CENPP: variants seen among roughly 807,000 people sequenced by gnomAD.
The protein encoded by CENPP is centromere protein P.
Under a neutral mutation model 35.6 loss-of-function variants are expected in CENPP, and 24 were observed. The ratio of observed to expected loss-of-function variants is 0.67; its 90% CI spans 0.49 to 0.95. CENPP has a LOEUF of 0.95. Among genes scored for constraint, CENPP ranks in the 40% least tolerant of loss-of-function variants. CENPP has a pLI of 0.00. For missense variants in CENPP, 332 were observed against 345.3 expected (o/e 0.96, Z 0.31); for synonymous variants, 120 against 125.5 (o/e 0.96, Z 0.29).
chr9:92,418,854 G>A (rs1843699150), intron 5 of CENPP, among the ~76,000 whole-genome samples: 2 of 151,982 alleles, frequency 1.3e-5, no homozygotes, highest in South Asian at 2.1e-4. Context: ...TTTAGTCTCC[G>A]ACTCTGCTTG....
At chr9:92,512,207 T>C (rs1322311710) in intron 5 of CENPP, 1 of 833,688 alleles carries the variant, frequency 1.2e-6, no homozygotes, top group Non-Finnish European at 1.9e-6. Flanking sequence ...TGTGCATAGA[T>C]ATCAAGAGAG....
chr9:92,403,326 G>A (rs943485645), intron 5 of CENPP: 24 of 1,613,158 alleles, frequency 1.5e-5, no homozygotes, highest in Non-Finnish European at 2.0e-5. Context: ...TAGATAATGC[G>A]TGAGTCCTGC....
chr9:92,520,153 G>T (rs1280921402), intron 5 of CENPP, among the ~76,000 whole-genome samples: 1 of 151,210 alleles, frequency 6.6e-6, no homozygotes, highest in Admixed American at 6.6e-5. Context: ...GTGTGGTGGT[G>T]CATTCTTGTA....
chr9:92,509,830 A>C (rs955098346), intron 5 of CENPP: 2 of 1,464,496 alleles, frequency 1.4e-6, no homozygotes, highest in Non-Finnish European at 1.8e-6. Flanking sequence ...TACAGTAAAT[A>C]AAATTTCTAC....
intron 5 of CENPP, chr9:92,509,764 T>C (rs1441927042): frequency 1.1e-6 from 1 of 931,580 alleles, no homozygotes; most frequent in East Asian, 3.1e-5. Flanking sequence ...AAAGAAGTTT[T>C]ATCAACTCAA....
intron 5 of CENPP, chr9:92,389,833 G>T (rs1217159660): frequency 6.6e-7 from 1 of 1,523,164 alleles, no homozygotes; most frequent in African/African-American, 1.4e-5. Context: ...ACTATGCTTA[G>T]TTTTACTATA....
In CENPP at chr9:92,510,019, T is replaced by A. The variant is rs139215803; in HGVS notation, c.565-101295T>A. ...TTATTTCCATCCATATTCAAACGCA[T>A]TAACTTCTTCAGAAGCTTAAAAAGC... On this transcript the variant is annotated intron_variant, in intron 5 of 7. Transcript: ENST00000375587. 1,476 of 1,599,908 alleles carry A rather than the reference T, an allele frequency of 9.2e-4. 1 individual carries two copies. Among genetic ancestry groups the A allele is most frequent in the Non-Finnish European group, 1.2e-3 (1,358 of 1,176,050 alleles).
intron 5 of CENPP, among the ~76,000 whole-genome samples, chr9:92,468,239 A>G (rs1189295301): frequency 6.6e-6 from 1 of 152,230 alleles, no homozygotes; most frequent in Non-Finnish European, 1.5e-5. Context: ...GAAAAGTAAT[A>G]CAAAACTGTG....
chr9:92,327,612 A>G (rs1193772549), intron 1 of CENPP, among the ~76,000 whole-genome samples: 1 of 152,250 alleles, frequency 6.6e-6, no homozygotes, highest in Admixed American at 6.5e-5. Flanking sequence ...GGAGGGAAGC[A>G]AAGGTACTTA....
At chr9:92,447,321 T>C (rs1338942504) in intron 5 of CENPP, among the ~76,000 whole-genome samples, 1 of 151,730 alleles carries the variant, frequency 6.6e-6, no homozygotes, top group Admixed American at 6.6e-5. Flanking sequence ...TGCAACTAGA[T>C]GGTCCCACCT....
rs113410369 is a variant in CENPP, at chr9:92,348,556, C to T, written c.467+2769C>T. ...TACAGGTGTGTACCACCACACCCGG[C>T]TAATTTTGTATTTTTAGTAGAGACG... On this transcript the variant is annotated intron_variant, in intron 4 of 7. Coordinates refer to ENST00000375587, the MANE Select transcript of CENPP (RefSeq NM_001012267.3). Among the ~76,000 whole-genome samples, 733 of 152,136 alleles carry T rather than the reference C, an allele frequency of 4.8e-3. 5 individuals are homozygous for T. Among genetic ancestry groups the T allele is most frequent in the African/African-American group, 0.016 (644 of 41,514 alleles).
chr9:92,367,959 T>C (rs544839656), intron 4 of CENPP, among the ~76,000 whole-genome samples: 8 of 152,352 alleles, frequency 5.3e-5, no homozygotes, highest in African/African-American at 1.7e-4. Context: ...AGGTGGAGAC[T>C]GAAAGCCTAC....
At chr9:92,370,329 T>C (rs901437016) in intron 4 of CENPP, among the ~76,000 whole-genome samples, 2 of 152,332 alleles carry the variant, frequency 1.3e-5, no homozygotes, top group Admixed American at 1.3e-4. Context: ...AATGCTGGCC[T>C]CTTGTAGTGA....
chr9:92,474,384 C>A (rs1468998018), intron 5 of CENPP, among the ~76,000 whole-genome samples: 2 of 152,136 alleles, frequency 1.3e-5, no homozygotes, highest in Non-Finnish European at 2.9e-5. Flanking sequence ...TTTGATTTAA[C>A]TGGGGAAGAG....
chr9:92,439,277 T>G (rs1564320630), intron 5 of CENPP, among the ~76,000 whole-genome samples: 5 of 152,142 alleles, frequency 3.3e-5, no homozygotes, highest in Admixed American at 2.0e-4. Context: ...TTTTCAGACT[T>G]CCATAGCTTA....
chr9:92,383,318 T>C (rs901558208), intron 5 of CENPP, among the ~76,000 whole-genome samples: 1 of 152,208 alleles, frequency 6.6e-6, no homozygotes, highest in Non-Finnish European at 1.5e-5. Flanking sequence ...TGAAGTTCCA[T>C]TTTATTTGTG....
chr9:92,509,201 C>CA (rs1339847388), intron 5 of CENPP, among the ~76,000 whole-genome samples: 1 of 151,948 alleles, frequency 6.6e-6, no homozygotes, highest in African/African-American at 2.4e-5. Flanking sequence ...CTTGCATCCA[C>CA]ATGCCGTGGG....
intron 5 of CENPP, chr9:92,464,671 G>A (rs1845238800): frequency 1.5e-5 from 9 of 614,460 alleles, no homozygotes; most frequent in Non-Finnish European, 2.4e-5. Context: ...GGAAAGAGAA[G>A]GAAAACTAAA....
intron 2 of CENPP, among the ~76,000 whole-genome samples, chr9:92,333,355 C>T (rs964341817): frequency 1.5e-4 from 23 of 152,248 alleles, no homozygotes; most frequent in African/African-American, 5.5e-4. Flanking sequence ...ACTTAAATTA[C>T]TTGAAAGGAA....
Sources: allele counts gnomAD v4.1 joint callset (sites outside exome capture counted in the v4.1 genomes callset), GRCh38; gene constraint gnomAD v4.1.1; transcripts MANE v1.5; gene names NCBI Gene and HGNC (gene_info 2026-07-23, HGNC 2026-07-21).